DAGLA: variants seen among roughly 807,000 people sequenced by gnomAD.
DAGLA encodes diacylglycerol lipase alpha.
A neutral mutation model predicts 102.6 loss-of-function variants in DAGLA; 22 were observed. That is an observed-to-expected ratio of 0.21 (90% CI 0.15 to 0.31). The LOEUF (loss-of-function observed/expected upper bound fraction) is 0.31. Ranked by LOEUF, DAGLA falls within the 10% of genes least tolerant of loss-of-function variation. DAGLA has a pLI of 1.00. For missense variants in DAGLA, 927 were observed against 1,446.6 expected, an observed-to-expected ratio of 0.64 and a Z score of 5.83; for synonymous variants, 578 against 628.9, an observed-to-expected ratio of 0.92 and a Z score of 1.21.
At chr11:61,714,336 ATCTG>A (rs919602454) in intron 1 of DAGLA, among the ~76,000 whole-genome samples, 30 of 152,172 alleles carry the variant, frequency 2.0e-4, no homozygotes, top group African/African-American at 7.0e-4. Flanking sequence ...GGCTCTCTGG[ATCTG>A]TCTGAGAGTC....
chr11:61,725,543 G>T (rs147607498), intron 5 of DAGLA, among the ~76,000 whole-genome samples: 63 of 152,316 alleles, frequency 4.1e-4, no homozygotes, highest in African/African-American at 1.5e-3. Context: ...TTTCTGGAAG[G>T]TCTGTTCCAG....
chr11:61,682,409 C>T (rs1346472682), intron 1 of DAGLA, among the ~76,000 whole-genome samples: 9 of 152,084 alleles, frequency 5.9e-5, no homozygotes, highest in African/African-American at 1.7e-4. Context: ...ATTAGAGGCC[C>T]TGAGCGCACA....
intron 1 of DAGLA, among the ~76,000 whole-genome samples, chr11:61,694,485 G>A (rs376450802): frequency 2.6e-5 from 4 of 152,198 alleles, no homozygotes; most frequent in Non-Finnish European, 2.9e-5. Flanking sequence ...GCAGAGGGCC[G>A]GGGTGCCTGG....
At chr11:61,740,669 A>C in intron 18 of DAGLA, 77 bp downstream of exon 18, 1 of 1,556,102 alleles carries the variant, frequency 6.4e-7, no homozygotes, top group Admixed American at 1.7e-5. Flanking sequence ...GCACCATCAG[A>C]TCACTGCCCG....
intron 6 of DAGLA, among the ~76,000 whole-genome samples, chr11:61,726,459 C>T (rs985823035): frequency 6.6e-5 from 10 of 152,260 alleles, no homozygotes; most frequent in Non-Finnish European, 1.0e-4. Context: ...GCGTTTAGCA[C>T]GGTCCTAGAT....
intron 9 of DAGLA, among the ~76,000 whole-genome samples, chr11:61,732,097 G>A (rs1424455161): frequency 6.6e-6 from 1 of 152,178 alleles, no homozygotes; most frequent in Non-Finnish European, 1.5e-5. Flanking sequence ...GCCAGAGAAG[G>A]GCGCCTGCTC....
intron 6 of DAGLA, among the ~76,000 whole-genome samples, chr11:61,727,923 G>A (rs1484747984): frequency 6.6e-6 from 1 of 152,184 alleles, no homozygotes; most frequent in Non-Finnish European, 1.5e-5. Flanking sequence ...AGAGGAGAGG[G>A]CTGGGTGGCT....
chr11:61,727,631 C>T (rs1188117957), intron 6 of DAGLA, among the ~76,000 whole-genome samples: 1 of 152,206 alleles, frequency 6.6e-6, no homozygotes, highest in Non-Finnish European at 1.5e-5. Context: ...CCTTCTAGGG[C>T]ACATTGTGGG....
At chr11:61,721,578 G>T (rs190061043) in intron 3 of DAGLA, among the ~76,000 whole-genome samples, 1 of 152,274 alleles carries the variant, frequency 6.6e-6, no homozygotes, top group East Asian at 1.9e-4. Context: ...TCAACCATGT[G>T]CATCTCTTCA....
intron 1 of DAGLA, among the ~76,000 whole-genome samples, chr11:61,693,687 G>A (rs1156231204): frequency 2.6e-5 from 4 of 152,188 alleles, no homozygotes; most frequent in African/African-American, 9.7e-5. Context: ...AGCGTGTCTG[G>A]TCTGGGGTCC....
At chr11:61,688,787 G>A (rs540917501) in intron 1 of DAGLA, among the ~76,000 whole-genome samples, 6 of 152,344 alleles carry the variant, frequency 3.9e-5, no homozygotes, top group South Asian at 2.1e-4. Flanking sequence ...CAACACATGC[G>A]GAAAGCCTTG....
chr11:61,706,842 GC>G (rs1295309742), intron 1 of DAGLA, among the ~76,000 whole-genome samples: 3 of 152,210 alleles, frequency 2.0e-5, no homozygotes, highest in African/African-American at 4.8e-5. Flanking sequence ...GCCACTTTCT[GC>G]CTGGCAGGAG....
At chr11:61,728,064 A>G in intron 6 of DAGLA, 89 bp from the exon 7 acceptor site, 1 of 1,489,784 alleles carries the variant, frequency 6.7e-7, no homozygotes, top group South Asian at 1.2e-5. Context: ...CTGCTTCTGC[A>G]GCCTCCCAGC....
chr11:61,712,413 GT>G (rs775291639), intron 1 of DAGLA, among the ~76,000 whole-genome samples: 32 of 152,158 alleles, frequency 2.1e-4, no homozygotes, highest in Non-Finnish European at 3.8e-4. Context: ...TGGGAAAGGC[GT>G]TTGTTAGCCT....
intron 1 of DAGLA, among the ~76,000 whole-genome samples, chr11:61,708,110 C>T (rs1250168345): frequency 1.3e-5 from 2 of 152,028 alleles, no homozygotes; most frequent in Non-Finnish European, 2.9e-5. Flanking sequence ...CTGGTTCAAG[C>T]GATTCTCCTG....
At chr11:61,714,112 A>G (rs984581676) in intron 1 of DAGLA, among the ~76,000 whole-genome samples, 1 of 152,168 alleles carries the variant, frequency 6.6e-6, no homozygotes, top group Admixed American at 6.5e-5. Context: ...AGTTTTACAT[A>G]TAGCAACCGT....
chr11:61,727,616 C>T (rs916563319), intron 6 of DAGLA, among the ~76,000 whole-genome samples: 2 of 152,220 alleles, frequency 1.3e-5, no homozygotes, highest in African/African-American at 4.8e-5. Context: ...CCAGAGAGTA[C>T]ACCCCCTTCT....
At chr11:61,735,896 T>G in intron 12 of DAGLA, 80 bp downstream of exon 12, 3 of 1,341,726 alleles carry the variant, frequency 2.2e-6, no homozygotes, top group South Asian at 2.6e-5. Flanking sequence ...TGGTTGGGGG[T>G]TCCTCCCTGC....
chr11:61,705,859 C>T (rs1417362477), intron 1 of DAGLA, among the ~76,000 whole-genome samples: 1 of 152,196 alleles, frequency 6.6e-6, no homozygotes, highest in Non-Finnish European at 1.5e-5. Context: ...GAGAGCCTGC[C>T]CCTGCCCTAA....
Sources: gnomAD v4.1 joint callset for allele counts (sites outside exome capture counted in the v4.1 genomes callset) on GRCh38, gnomAD v4.1.1 for gene constraint, MANE v1.5 for transcripts, NCBI Gene and HGNC (gene_info 2026-07-23, HGNC 2026-07-21) for gene names.